UPK1B: variants seen among roughly 807,000 people sequenced by gnomAD.
The protein encoded by UPK1B is uroplakin-1b.
In UPK1B, 28 loss-of-function variants were observed where a neutral mutation model predicts 34.2. That is an observed-to-expected ratio of 0.82 (90% CI 0.61 to 1.12). The LOEUF (loss-of-function observed/expected upper bound fraction) is 1.12, where lower values mean the gene tolerates loss of function less well. Ranked by LOEUF, UPK1B falls within the 50% of genes most tolerant of loss-of-function variation. The pLI is 0.00. For synonymous variants in UPK1B, 81 were observed against 110.4 expected (o/e 0.73, Z 1.67); for missense variants, 325 against 320.9 (o/e 1.01, Z -0.10).
rs2078113641 is a variant in UPK1B at position 119,205,045 on chromosome 3, A to G, written c.*1078A>G. ...AGGGATTTCTGTTTACTGTCAAAAT[A>G]TTTCTCATCTGCACTATGTTTCCAT... is the stretch of plus-strand genomic sequence containing the variant. On this transcript the variant is annotated 3_prime_UTR_variant, in exon 8 of 8. Coordinates refer to ENST00000264234, the MANE Select transcript of UPK1B (RefSeq NM_006952.4). 6.6e-6 allele frequency: 1 copy of G among 152,194 alleles called. No homozygotes were observed. The highest frequency in any genetic ancestry group is 2.4e-5 in the African/African-American group (1 of 41,444). 9.4% of individuals were successfully genotyped at this position (152,194 alleles called of 1,614,324 possible).
Position 119,185,555 on chromosome 3 carries a change from G to A in UPK1B, c.-28-1159G>A, listed in dbSNP as rs115415269. Among the ~76,000 whole-genome samples the A allele has an allele frequency of 3.6e-3, 520 of 146,360 alleles. 4 individuals are homozygous for A. The highest frequency in any genetic ancestry group is 0.013 in the African/African-American group (493 of 39,386). ...CATCCTGCAAGACTTACGTCTTCCC[G>A]CCTCAGGACTCTCACAATATTTCAT... On this transcript the variant is annotated intron_variant, in intron 1 of 7. Coordinates refer to ENST00000264234, the MANE Select transcript of UPK1B (RefSeq NM_006952.4).
intron 1 of UPK1B, among the ~76,000 whole-genome samples, chr3:119,180,689 T>A (rs1183752004): frequency 6.7e-6 from 1 of 149,518 alleles, no homozygotes; most frequent in Non-Finnish European, 1.5e-5. Context: ...TTTTTTTAAA[T>A]ATCCATTAGT....
At chr3:119,187,631 T>C in intron 2 of UPK1B, 144 bp from the exon 3 acceptor site, 1 of 810,300 alleles carries the variant, frequency 1.2e-6, no homozygotes, top group Non-Finnish European at 2.0e-6. Context: ...GAAGTAGTTG[T>C]TTGATTTCCT....
At chr3:119,180,631 C>T (rs764903529) in intron 1 of UPK1B, among the ~76,000 whole-genome samples, 1 of 151,750 alleles carries the variant, frequency 6.6e-6, no homozygotes, top group Non-Finnish European at 1.5e-5. Flanking sequence ...GTTCTTTCTC[C>T]GTGCCTATCC....
rs775407506 is a variant in UPK1B, at chr3:119,203,922, G to C, written c.738G>C (p.Trp246Cys). The C allele has an allele frequency of 5.0e-6, 8 of 1,613,736 alleles. No homozygotes were observed. The South Asian group carries it at 7.7e-5, about 16-fold the overall frequency. Residue 246 changes from tryptophan (W) to cysteine (C), a missense_variant, in exon 8 of 8, where the codon TGG becomes TGC. Coordinates refer to ENST00000264234, the MANE Select transcript of UPK1B (RefSeq NM_006952.4). ...FGFAILCWTF[W>C]VLLGTMFYWS... ...CTTGTTTTTTTCTATTCCAGTTTTG[G>C]GTTCTCCTGGGTACCATGTTCTACT...
At chr3:119,190,197 C>T (rs970254118) in intron 3 of UPK1B, 48 bp from the exon 4 acceptor site, 7 of 1,438,436 alleles carry the variant, frequency 4.9e-6, no homozygotes, top group Middle Eastern at 1.8e-4. Flanking sequence ...GCAAGTCGCT[C>T]TTTGACGGGT....
chr3:119,175,763 T>C (rs1473692420), intron 1 of UPK1B, among the ~76,000 whole-genome samples: 1 of 152,214 alleles, frequency 6.6e-6, no homozygotes, highest in East Asian at 1.9e-4. Context: ...ATGTTCTAGA[T>C]AATAGACACT....
At chr3:119,178,386 G>A (rs1488107503) in intron 1 of UPK1B, among the ~76,000 whole-genome samples, 1 of 152,188 alleles carries the variant, frequency 6.6e-6, no homozygotes, top group African/African-American at 2.4e-5. Context: ...GCTTGTAAGT[G>A]CAGAGGGAAT....
At chr3:119,189,674 G>A (rs1431400035) in intron 3 of UPK1B, among the ~76,000 whole-genome samples, 1 of 152,226 alleles carries the variant, frequency 6.6e-6, no homozygotes, top group Non-Finnish European at 1.5e-5. Flanking sequence ...CTGTGCACTT[G>A]AAGCCTGCCT....
Position 119,191,107 on chromosome 3 carries a change from A to G in UPK1B, c.468+3A>G. On this transcript the variant is annotated splice_donor_region_variant and intron_variant, in intron 5 of 7. Coordinates refer to ENST00000264234, the MANE Select transcript of UPK1B (RefSeq NM_006952.4). ...CCTGGGACAGGCTCATGCTCCAGGT[A>G]AGACCTGTGGTCTTGGGGAGATGCC... 1 of 1,613,900 alleles carries G rather than the reference A, an allele frequency of 6.2e-7. No homozygotes were observed. Among genetic ancestry groups the G allele is most frequent in the South Asian group, 1.1e-5 (1 of 91,064 alleles).
intron 1 of UPK1B, among the ~76,000 whole-genome samples, chr3:119,177,474 G>A (rs1559899551): frequency 2.0e-5 from 3 of 152,188 alleles, no homozygotes; most frequent in Non-Finnish European, 2.9e-5. Flanking sequence ...CTCTCTGTGA[G>A]CCTTAAATTT....
At chr3:119,183,261 C>CTTTTTT (rs11455368) in intron 1 of UPK1B, among the ~76,000 whole-genome samples, 1 of 129,702 alleles carries the variant, frequency 7.7e-6, no homozygotes, top group Non-Finnish European at 1.8e-5. Flanking sequence ...CCAAGCTTCC[C>CTTTTTT]TTTTTTTTTG....
At chr3:119,188,020 TA>T in intron 3 of UPK1B, 45 bp downstream of exon 3, 1 of 1,587,704 alleles carries the variant, frequency 6.3e-7, no homozygotes, top group Non-Finnish European at 8.6e-7. Context: ...GAGCCAATTG[TA>T]ATGGATTCTT....
rs2077990515 is a variant in UPK1B, at chr3:119,181,793, C to G, written c.-28-4921C>G. Among the ~76,000 whole-genome samples, 3 of 152,218 alleles carry G rather than the reference C, an allele frequency of 2.0e-5. No individual in the cohort carries two copies. The South Asian group carries it at 6.2e-4, about 32-fold the overall frequency. Reference sequence around the variant, plus strand: ...TTTGGACCTAGAAAGACAAATAAAACAGGGTCCCAAATGCCTCCTCCTACT... The same window carrying G: ...TTTGGACCTAGAAAGACAAATAAAAGAGGGTCCCAAATGCCTCCTCCTACT... On this transcript the variant is annotated intron_variant, in intron 1 of 7. Transcript: ENST00000264234.
intron 5 of UPK1B, among the ~76,000 whole-genome samples, chr3:119,193,728 C>T (rs1474735248): frequency 1.3e-5 from 2 of 152,110 alleles, no homozygotes; most frequent in Non-Finnish European, 2.9e-5. Flanking sequence ...TTGATATAAT[C>T]TTTAATTTTA....
chr3:119,179,848 G>A (rs867394055), intron 1 of UPK1B, among the ~76,000 whole-genome samples: 1 of 101,180 alleles, frequency 9.9e-6, no homozygotes, highest in East Asian at 3.2e-4. Context: ...TTTTTGAGAC[G>A]AGTGCAATGG....
In UPK1B at chr3:119,181,198, G is replaced by C. The variant is rs552207586; in HGVS notation, c.-28-5516G>C. 3.3e-5 allele frequency among the ~76,000 whole-genome samples: 5 copies of C among 152,168 alleles called. 1 individual carries two copies. The highest frequency in any genetic ancestry group is 3.9e-4 in the East Asian group (2 of 5,184). The stretch of plus-strand genomic sequence containing the variant: ...GGTGAGAAGATGCTCTGTGAGCCCA[G>C]GATTCCTACTCTCGTTTCAGCCAGA... On this transcript the variant is annotated intron_variant, in intron 1 of 7. Transcript: ENST00000264234.
intron 6 of UPK1B, among the ~76,000 whole-genome samples, chr3:119,195,702 G>A (rs566740991): frequency 4.8e-4 from 73 of 152,272 alleles, no homozygotes; most frequent in African/African-American, 1.6e-3. Flanking sequence ...ATCTTGATTG[G>A]ATTGTAATTG....
intron 6 of UPK1B, among the ~76,000 whole-genome samples, chr3:119,195,722 T>C (rs973731508): frequency 1.3e-5 from 2 of 152,244 alleles, no homozygotes; most frequent in Non-Finnish European, 2.9e-5. Flanking sequence ...GTGTACAAAC[T>C]GTATTACCTC....
Sources: allele counts gnomAD v4.1 joint callset (sites outside exome capture counted in the v4.1 genomes callset), GRCh38; gene constraint gnomAD v4.1.1; transcripts MANE v1.5; gene names NCBI Gene and HGNC (gene_info 2026-07-23, HGNC 2026-07-21).